CAMTA1: variants seen among roughly 807,000 people sequenced by gnomAD.
The protein encoded by CAMTA1 is calmodulin binding transcription activator 1.
Under a neutral mutation model 170.9 loss-of-function variants are expected in CAMTA1, and 27 were observed. The ratio of observed to expected loss-of-function variants is 0.16; its 90% CI spans 0.12 to 0.22. The LOEUF (loss-of-function observed/expected upper bound fraction) is 0.22. Among genes scored for constraint, CAMTA1 ranks in the 10% least tolerant of loss-of-function variants. CAMTA1 has a pLI of 1.00. For synonymous variants in CAMTA1, 833 were observed against 891.5 expected (o/e 0.93, Z 1.17); for missense variants, 1,619 against 2,217.2 (o/e 0.73, Z 5.42).
At chr1:6,929,527 C>A (rs951722914) in intron 3 of CAMTA1, among the ~76,000 whole-genome samples, 5 of 152,316 alleles carry the variant, frequency 3.3e-5, no homozygotes, top group African/African-American at 1.2e-4. Context: ...CCACGCCTGG[C>A]TAAGTTTTTG....
chr1:7,491,193 G>A (rs568560068), intron 6 of CAMTA1, among the ~76,000 whole-genome samples: 1 of 152,230 alleles, frequency 6.6e-6, no homozygotes, highest in African/African-American at 2.4e-5. Context: ...CGGCCTCCAT[G>A]TACCCCCTGC....
intron 3 of CAMTA1, among the ~76,000 whole-genome samples, chr1:6,938,967 T>C (rs1685943114): frequency 6.6e-6 from 1 of 152,200 alleles, no homozygotes; most frequent in Non-Finnish European, 1.5e-5. Context: ...GATATGAGTC[T>C]CTCAAAGAGC....
chr1:7,450,581 G>C (rs555508805), intron 5 of CAMTA1, among the ~76,000 whole-genome samples: 1 of 152,224 alleles, frequency 6.6e-6, no homozygotes, highest in African/African-American at 2.4e-5. Context: ...AGGCCCCACC[G>C]CCTGCCCGCT....
intron 3 of CAMTA1, among the ~76,000 whole-genome samples, chr1:6,941,627 A>G (rs1571908189): frequency 6.6e-6 from 1 of 152,232 alleles, no homozygotes; most frequent in Non-Finnish European, 1.5e-5. Flanking sequence ...CCCTTCAGTG[A>G]CAGCAGGGAG....
chr1:7,210,322 T>C (rs534052744), intron 4 of CAMTA1, among the ~76,000 whole-genome samples: 1 of 152,328 alleles, frequency 6.6e-6, no homozygotes, highest in East Asian at 1.9e-4. Context: ...TTGTAGACTG[T>C]CCTTTGGTTG....
chr1:7,023,678 CA>C (rs965341283), intron 3 of CAMTA1, among the ~76,000 whole-genome samples: 1 of 151,912 alleles, frequency 6.6e-6, no homozygotes, highest in Admixed American at 6.6e-5. Context: ...AACAAGATGC[CA>C]AAACCCTTCT....
At chr1:7,530,231 C>T (rs1201045310) in intron 6 of CAMTA1, among the ~76,000 whole-genome samples, 1 of 152,204 alleles carries the variant, frequency 6.6e-6, no homozygotes, top group Admixed American at 6.5e-5. Flanking sequence ...ACAGCTGGCC[C>T]CAGCTCGTCC....
At chr1:6,869,713 T>C (rs1667831086) in intron 3 of CAMTA1, among the ~76,000 whole-genome samples, 1 of 152,184 alleles carries the variant, frequency 6.6e-6, no homozygotes, top group Non-Finnish European at 1.5e-5. Flanking sequence ...ATTGGCACCA[T>C]TTCATTTGGA....
intron 6 of CAMTA1, among the ~76,000 whole-genome samples, chr1:7,542,111 A>T (rs1016007811): frequency 6.6e-6 from 1 of 152,218 alleles, no homozygotes; most frequent in Admixed American, 6.5e-5. Flanking sequence ...ATACAATTTT[A>T]AAATATTTTT....
At chr1:7,640,585 C>A in intron 7 of CAMTA1, 32 bp downstream of exon 7, 1 of 1,613,326 alleles carries the variant, frequency 6.2e-7, no homozygotes, top group South Asian at 1.1e-5. Context: ...GGCGCCCCCA[C>A]GCTGGGAACC....
At chr1:7,438,900 A>G (rs1161712172) in intron 5 of CAMTA1, among the ~76,000 whole-genome samples, 2 of 152,174 alleles carry the variant, frequency 1.3e-5, no homozygotes, top group African/African-American at 4.8e-5. Flanking sequence ...CCTCCATATC[A>G]TAGTGAGACA....
At position 7,736,685 on chromosome 1, in the gene CAMTA1, C is replaced by A; in HGVS notation, c.3263+145C>A. The A allele has an allele frequency of 1.2e-6, 1 of 805,356 alleles. No homozygotes were observed. Among genetic ancestry groups the A allele is most frequent in the Non-Finnish European group, 2.0e-6 (1 of 504,136 alleles). 49.9% of individuals were successfully genotyped at this position (805,356 alleles called of 1,614,324 possible). A position where few individuals can be genotyped will look rare whatever the true frequency, so the allele number is the denominator to read the frequency against. On this transcript the variant is annotated intron_variant, in intron 13 of 22. Coordinates refer to ENST00000303635, the MANE Select transcript of CAMTA1 (RefSeq NM_015215.4). The surrounding 1 kb of genome is among the most constrained non-coding windows in gnomAD (Gnocchi z 4.5). ...AAAGGGCTTTGTCCTTGGACAGTTT[C>A]CAAGGGAGTTTTATAAACTTCTTCC...
rs78810654 is a variant in CAMTA1, at chr1:7,165,044, A to G, written c.302+73673A>G. 6.5e-3 allele frequency among the ~76,000 whole-genome samples: 994 copies of G among 152,382 alleles called. 4 individuals carry two copies. The highest frequency in any genetic ancestry group is 0.023 in the African/African-American group (946 of 41,594). The stretch of plus-strand genomic sequence containing the variant: ...AGCTGAAAAATGTTGAAAGCACGAC[A>G]GTAATAAAGTAGACATCACTGCCTA... On this transcript the variant is annotated intron_variant, in intron 4 of 22. Coordinates refer to ENST00000303635, the MANE Select transcript of CAMTA1 (RefSeq NM_015215.4).
chr1:6,839,974 G>T (rs1254201855), intron 3 of CAMTA1, among the ~76,000 whole-genome samples: 1 of 152,158 alleles, frequency 6.6e-6, no homozygotes, highest in Non-Finnish European at 1.5e-5. Context: ...GCCGAGGTGG[G>T]CAGATCACCT....
chr1:7,712,001 A>G (rs553029715), intron 11 of CAMTA1, among the ~76,000 whole-genome samples: 29 of 152,352 alleles, frequency 1.9e-4, no homozygotes, highest in African/African-American at 6.7e-4. Context: ...ATGTGTGTGC[A>G]CATATATATG....
chr1:7,369,343 G>A (rs1210355632), intron 5 of CAMTA1, among the ~76,000 whole-genome samples: 2 of 152,166 alleles, frequency 1.3e-5, no homozygotes, highest in African/African-American at 2.4e-5. Flanking sequence ...GTGCCCTAAT[G>A]AGTGTAAGAG....
chr1:7,614,118 G>A, intron 6 of CAMTA1, among the ~76,000 whole-genome samples: 1 of 148,800 alleles, frequency 6.7e-6, no homozygotes, highest in East Asian at 1.9e-4. Context: ...AGAGGGGTGA[G>A]TAGGAGGAGA....
chr1:7,717,287 CTG>C (rs746274658), intron 11 of CAMTA1, among the ~76,000 whole-genome samples: 1 of 152,176 alleles, frequency 6.6e-6, no homozygotes, highest in East Asian at 1.9e-4. Flanking sequence ...AAAATGATAG[CTG>C]TGTCATTATT....
chr1:7,513,285 TCTTGCCATCGTAATG>T (rs1355753258), intron 6 of CAMTA1, among the ~76,000 whole-genome samples: 1 of 152,156 alleles, frequency 6.6e-6, no homozygotes, highest in Non-Finnish European at 1.5e-5. Context: ...TGACTCGTGG[TCTTGCCATCGTAATG>T]GCAGCTGGGT....
Sources: gnomAD v4.1 joint callset for allele counts (sites outside exome capture counted in the v4.1 genomes callset) on GRCh38, gnomAD v4.1.1 for gene constraint, Gnocchi (gnomAD v3.1) non-coding constraint, MANE v1.5 for transcripts, NCBI Gene and HGNC (gene_info 2026-07-23, HGNC 2026-07-21) for gene names.